CREB5: variants seen among roughly 807,000 people sequenced by gnomAD.
CREB5 encodes the protein cyclic AMP-responsive element-binding protein 5.
A neutral mutation model predicts 57.1 loss-of-function variants in CREB5; 19 were observed. The observed-to-expected ratio is 0.33, with a 90% confidence interval of 0.23 to 0.49. The LOEUF (loss-of-function observed/expected upper bound fraction) is 0.49, where lower values mean the gene tolerates loss of function less well. CREB5 is among the 20% of genes least tolerant of loss of function. The probability of loss-of-function intolerance (pLI) is 0.99; values close to 1 mark genes in which losing one functional copy is unlikely to be tolerated. For synonymous variants in CREB5, 238 were observed against 238.3 expected (o/e 1.00, Z 0.01); for missense variants, 579 against 671.6 (o/e 0.86, Z 1.52).
intron 1 of CREB5, among the ~76,000 whole-genome samples, chr7:28,405,824 C>T (rs1225059407): frequency 6.6e-6 from 1 of 152,144 alleles, no homozygotes; most frequent in Non-Finnish European, 1.5e-5. Context: ...TCTATGAATT[C>T]ATTAAACTAG....
intron 1 of CREB5, among the ~76,000 whole-genome samples, chr7:28,385,982 A>G (rs1171480081): frequency 6.6e-6 from 1 of 152,182 alleles, no homozygotes; most frequent in Admixed American, 6.5e-5. Flanking sequence ...ATATAAATAG[A>G]CTTATGTATC....
intron 4 of CREB5, among the ~76,000 whole-genome samples, chr7:28,525,929 T>G (rs975956377): frequency 3.3e-5 from 5 of 152,214 alleles, no homozygotes; most frequent in African/African-American, 1.2e-4. Context: ...TAAAGTACTG[T>G]AGCTTGTATT....
intron 1 of CREB5, among the ~76,000 whole-genome samples, chr7:28,439,283 G>A (rs1432257033): frequency 6.6e-6 from 1 of 152,138 alleles, no homozygotes; most frequent in Non-Finnish European, 1.5e-5. Flanking sequence ...TGATGTACAA[G>A]GTTTGCATTA....
chr7:28,571,824 C>T (rs1404924116), intron 5 of CREB5, among the ~76,000 whole-genome samples: 2 of 152,154 alleles, frequency 1.3e-5, no homozygotes, highest in African/African-American at 2.4e-5. Flanking sequence ...AAGGTAATAA[C>T]TTTAAGCCAA....
chr7:28,487,909 T>C (rs564814687), intron 1 of CREB5, among the ~76,000 whole-genome samples: 1 of 152,306 alleles, frequency 6.6e-6, no homozygotes, highest in East Asian at 1.9e-4. Flanking sequence ...GGAGGATTTC[T>C]GCTGCTACCT....
At chr7:28,470,225 C>A (rs958021619) in intron 1 of CREB5, among the ~76,000 whole-genome samples, 1 of 152,332 alleles carries the variant, frequency 6.6e-6, no homozygotes, top group Non-Finnish European at 1.5e-5. Flanking sequence ...GACTTCTCCA[C>A]TACCTTTCCC....
chr7:28,661,130 G>T (rs959519759), intron 5 of CREB5, among the ~76,000 whole-genome samples: 1 of 152,110 alleles, frequency 6.6e-6, no homozygotes, highest in African/African-American at 2.4e-5. Context: ...TTTCTTCAAG[G>T]ATCTTGTTGT....
intron 5 of CREB5, among the ~76,000 whole-genome samples, chr7:28,635,489 C>T (rs1014428927): frequency 6.6e-6 from 1 of 152,130 alleles, no homozygotes; most frequent in East Asian, 1.9e-4. Flanking sequence ...AATTAGTAGA[C>T]CAGTCTTAAC....
At chr7:28,430,135 C>T (rs1013456913) in intron 1 of CREB5, among the ~76,000 whole-genome samples, 7 of 152,184 alleles carry the variant, frequency 4.6e-5, no homozygotes, top group Non-Finnish European at 8.8e-5. Context: ...CACACCCTGG[C>T]TCCATGGATA....
chr7:28,724,893 G>T (rs1003591625), intron 7 of CREB5, among the ~76,000 whole-genome samples: 2 of 152,218 alleles, frequency 1.3e-5, no homozygotes, highest in African/African-American at 2.4e-5. Context: ...TATGTTACAT[G>T]TTTGCAGTAA....
At chr7:28,708,216 G>A (rs1243780672) in intron 5 of CREB5, among the ~76,000 whole-genome samples, 1 of 152,182 alleles carries the variant, frequency 6.6e-6, no homozygotes, top group African/African-American at 2.4e-5. Context: ...GATCCTCTCA[G>A]CACGCTATCA....
At chr7:28,631,486 A>T (rs1164139349) in intron 5 of CREB5, among the ~76,000 whole-genome samples, 1 of 152,192 alleles carries the variant, frequency 6.6e-6, no homozygotes, top group Non-Finnish European at 1.5e-5. Flanking sequence ...AGCATCTTGT[A>T]TGTGTCAAAC....
chr7:28,484,946 C>T (rs931796650), intron 1 of CREB5, among the ~76,000 whole-genome samples: 23 of 152,160 alleles, frequency 1.5e-4, no homozygotes, highest in African/African-American at 5.3e-4. Context: ...CAGCATCATC[C>T]TGTAATTCTA....
At chr7:28,629,053 C>A (rs1014783365) in intron 5 of CREB5, among the ~76,000 whole-genome samples, 1 of 152,190 alleles carries the variant, frequency 6.6e-6, no homozygotes, top group African/African-American at 2.4e-5. Context: ...GGTGAGTTTA[C>A]CTCTTGCCAC....
At chr7:28,317,830 A>T (rs1266989672) in intron 1 of CREB5, among the ~76,000 whole-genome samples, 1 of 152,208 alleles carries the variant, frequency 6.6e-6, no homozygotes, top group Non-Finnish European at 1.5e-5. Context: ...CCTTAGGAGA[A>T]GGACACTGTC....
chr7:28,405,559 C>G (rs1419496062), intron 1 of CREB5, among the ~76,000 whole-genome samples: 2 of 152,084 alleles, frequency 1.3e-5, no homozygotes, highest in Non-Finnish European at 2.9e-5. Flanking sequence ...ACCACAGGTG[C>G]ACACCACCAT....
At chr7:28,491,716 C>G (rs1227235493) in intron 2 of CREB5, among the ~76,000 whole-genome samples, 2 of 152,170 alleles carry the variant, frequency 1.3e-5, no homozygotes, top group Non-Finnish European at 2.9e-5. Context: ...GAAAATGTAG[C>G]AGTCACCCAG....
At chr7:28,458,391 C>T (rs1790207916) in intron 1 of CREB5, among the ~76,000 whole-genome samples, 1 of 152,156 alleles carries the variant, frequency 6.6e-6, no homozygotes, top group Non-Finnish European at 1.5e-5. Context: ...TGCAAATGTG[C>T]ATGACATGGG....
chr7:28,331,097 T>G (rs191749862), intron 1 of CREB5, among the ~76,000 whole-genome samples: 1 of 152,274 alleles, frequency 6.6e-6, no homozygotes, highest in Admixed American at 6.5e-5. Context: ...ATTCAATAAT[T>G]GAGTTCACAG....
Sources: gnomAD v4.1 joint callset for allele counts (sites outside exome capture counted in the v4.1 genomes callset) on GRCh38, gnomAD v4.1.1 for gene constraint, MANE v1.5 for transcripts, NCBI Gene and HGNC (gene_info 2026-07-23, HGNC 2026-07-21) for gene names.